Variants in BRI3BP observed in about 807,000 individuals in gnomAD.
BRI3BP encodes the protein BRI3 binding protein.
BRI3BP carries 7 observed loss-of-function variants against 15.8 expected under a neutral mutation model. That is an observed-to-expected ratio of 0.44 (90% CI 0.25 to 0.83). The LOEUF is 0.83. Ranked by LOEUF, BRI3BP falls within the 40% of genes least tolerant of loss-of-function variation. The probability of loss-of-function intolerance (pLI) is 0.20; values close to 1 mark genes in which losing one functional copy is unlikely to be tolerated. For synonymous variants in BRI3BP, 192 were observed against 163.5 expected (o/e 1.17, Z -1.33); for missense variants, 320 against 339.3 (o/e 0.94, Z 0.45).
rs1238834541 is a variant in BRI3BP, at chr12:124,993,945, CCTT to C, written c.158_160del (p.Phe53del). On this transcript the variant is annotated inframe_deletion, in exon 1 of 3. Coordinates refer to ENST00000341446, the MANE Select transcript of BRI3BP (RefSeq NM_080626.6). ...AACAGCTACCGCCGCACGGTCAACA[CCTT>C]CTCCCAGAGCGTCAGCAGCCTGTTC... is the stretch of plus-strand genomic sequence containing the variant. 7.3e-7 allele frequency: 1 copy of C among 1,370,098 alleles called. No individual in the cohort carries two copies. Among genetic ancestry groups the C allele is most frequent in the Non-Finnish European group, 9.5e-7 (1 of 1,048,610 alleles). 84.9% of individuals were successfully genotyped at this position (1,370,098 alleles called of 1,614,324 possible).
rs945071378 is a variant in BRI3BP, at chr12:125,028,629, C to G, written c.*3199C>G. Reference sequence around the variant, plus strand: ...TAGGTGTCACCTCAGGGTAGAAATTCTGATAGAAATTCTGATTATTTGAAA... The same window carrying G: ...TAGGTGTCACCTCAGGGTAGAAATTGTGATAGAAATTCTGATTATTTGAAA... On this transcript the variant is annotated 3_prime_UTR_variant, in exon 3 of 3. Coordinates refer to ENST00000341446, the MANE Select transcript of BRI3BP (RefSeq NM_080626.6). 1.3e-5 allele frequency: 2 copies of G among 152,016 alleles called. No homozygotes were observed. The highest frequency in any genetic ancestry group is 4.8e-5 in the African/African-American group (2 of 41,364). The allele number at this position is 152,016 out of a possible 1,614,324, so 9.4% of individuals were successfully genotyped here.
At chr12:125,050,939 A>C in the BRI3BP span, among the ~76,000 whole-genome samples, 1 of 152,218 alleles carries the variant, frequency 6.6e-6, no homozygotes, top group Non-Finnish European at 1.5e-5. Flanking sequence ...CAGCTAATAC[A>C]CTAGGGACTT....
At position 125,025,526 on chromosome 12, in the gene BRI3BP, A is replaced by C; in HGVS notation, c.*96A>C. On this transcript the variant is annotated 3_prime_UTR_variant, in exon 3 of 3. Coordinates refer to ENST00000341446, the MANE Select transcript of BRI3BP (RefSeq NM_080626.6). ...CCCCAAACCCCAAACAATCTTAATA[A>C]ACACGACTGAGCAAGAAAGTGGCGC... The C allele has an allele frequency of 2.4e-6, 3 of 1,248,792 alleles. No homozygotes were observed. Among genetic ancestry groups the C allele is most frequent in the Non-Finnish European group, 3.2e-6 (3 of 927,820 alleles). 77.4% of individuals were successfully genotyped at this position (1,248,792 alleles called of 1,614,324 possible).
the BRI3BP span, among the ~76,000 whole-genome samples, chr12:125,043,081 C>T: frequency 3.3e-5 from 5 of 149,564 alleles, no homozygotes; most frequent in African/African-American, 1.2e-4. Context: ...AAAAAAAAAA[C>T]ACTTCACTTG....
At chr12:125,014,290 C>T (rs993514996) in intron 2 of BRI3BP, among the ~76,000 whole-genome samples, 4 of 152,186 alleles carry the variant, frequency 2.6e-5, no homozygotes, top group African/African-American at 7.2e-5. Flanking sequence ...GCCCCACCGC[C>T]CTGGTCCCTG....
At chr12:125,009,377 C>T (rs1402851384) in intron 1 of BRI3BP, among the ~76,000 whole-genome samples, 4 of 147,056 alleles carry the variant, frequency 2.7e-5, no homozygotes, top group Admixed American at 2.1e-4. Flanking sequence ...GCAACCTCTG[C>T]CTCCCAGGTT....
intron 1 of BRI3BP, among the ~76,000 whole-genome samples, chr12:125,003,996 CACACACA>C (rs1955121002): frequency 6.3e-5 from 1 of 15,802 alleles, no homozygotes; most frequent in African/African-American, 6.0e-4. Context: ...CACACACACA[CACACACA>C]ACACACAATA....
At chr12:125,048,393 A>G in the BRI3BP span, among the ~76,000 whole-genome samples, 5 of 152,316 alleles carry the variant, frequency 3.3e-5, no homozygotes, top group Non-Finnish European at 7.3e-5. Flanking sequence ...GCCCTGCCCT[A>G]AAGAGGCAAG....
chr12:125,049,020 G>A, the BRI3BP span, among the ~76,000 whole-genome samples: 1 of 152,032 alleles, frequency 6.6e-6, no homozygotes, highest in South Asian at 2.1e-4. Context: ...GTGCAATGGC[G>A]CGATCTCGGC....
rs774101602 is a variant in BRI3BP at position 125,025,181 on chromosome 12, C to T, written c.507C>T (p.Ser169=). The change falls in exon 3 of 3, where the codon TCC becomes TCT. Residue 169 remains serine, a synonymous_variant. Coordinates refer to ENST00000341446, the MANE Select transcript of BRI3BP (RefSeq NM_080626.6). ...WIVRVVLFSM[S]CVYILHKYEG... is the part of the protein sequence containing the mutation. ...TGCGGGTCGTCCTGTTTTCCATGTC[C>T]TGCGTGTACATCCTGCACAAGTACG... is the stretch of plus-strand genomic sequence containing the variant. 2 of 1,614,162 alleles carry T rather than the reference C, an allele frequency of 1.2e-6. No homozygotes were observed. Among genetic ancestry groups the T allele is most frequent in the Admixed American group, 1.7e-5 (1 of 60,024 alleles).
At chr12:125,018,288 C>CCT (rs1247217269) in intron 2 of BRI3BP, among the ~76,000 whole-genome samples, 1 of 152,038 alleles carries the variant, frequency 6.6e-6, no homozygotes, top group Non-Finnish European at 1.5e-5. Flanking sequence ...ATTGTGTGTC[C>CCT]CCGTATTCAT....
In BRI3BP at chr12:125,025,230, C is replaced by G. The variant is rs369059333; in HGVS notation, c.556C>G (p.Leu186Val). 69 of 1,614,022 alleles carry G rather than the reference C, an allele frequency of 4.3e-5. No homozygotes were observed. The African/African-American group carries it at 8.3e-4, about 19-fold the overall frequency. Residue 186 changes from leucine to valine, a missense_variant, in exon 3 of 3, where the codon CTG becomes GTG. Transcript: ENST00000341446. ...KYEGEPENAV[L>V]PLCFVVAVYF... is the part of the protein sequence containing the mutation. ...CGAGGGCGAGCCGGAGAACGCGGTG[C>G]TGCCGCTGTGCTTCGTGGTGGCCGT... is the stretch of plus-strand genomic sequence containing the variant.
intron 2 of BRI3BP, among the ~76,000 whole-genome samples, chr12:125,020,534 C>T (rs776923904): frequency 3.3e-5 from 5 of 152,216 alleles, no homozygotes; most frequent in African/African-American, 4.8e-5. Flanking sequence ...ATACTCAAAG[C>T]CTAGCATCTG....
At chr12:125,045,401 G>A in the BRI3BP span, among the ~76,000 whole-genome samples, 4 of 152,062 alleles carry the variant, frequency 2.6e-5, no homozygotes, top group Non-Finnish European at 5.9e-5. Context: ...GCTGTAGCGC[G>A]ATCCCGGCTC....
the BRI3BP span, among the ~76,000 whole-genome samples, chr12:125,047,389 G>T: frequency 0.019 from 2,868 of 152,144 alleles, 82 homozygotes; most frequent in African/African-American, 0.064. Flanking sequence ...TAGCCAGGAT[G>T]GTCTCGATCT....
chr12:125,023,807 C>T (rs1235329139), intron 2 of BRI3BP, among the ~76,000 whole-genome samples: 1 of 152,220 alleles, frequency 6.6e-6, no homozygotes, highest in Non-Finnish European at 1.5e-5. Context: ...CGCAGTGGCT[C>T]ACACTTGTAA....
At position 125,009,621 on chromosome 12, in the gene BRI3BP, G is replaced by T. The variant is rs1292088041; in HGVS notation, c.214-2913G>T. On this transcript the variant is annotated intron_variant, in intron 1 of 2. Transcript: ENST00000341446. ...GTTTTCTTAAGGTAAATTAGAGATG[G>T]GGGGGGGGTCTCATTTTGTTGCCCA... Among the ~76,000 whole-genome samples the T allele has an allele frequency of 0.026, 3 of 114 alleles. No individual in the cohort carries two copies. In the East Asian group the frequency reaches 0.5, roughly 19 times the overall value. 0.1% of individuals were successfully genotyped at this position (114 alleles called of 152,430 possible). A position where few individuals can be genotyped will look rare whatever the true frequency, so the allele number is the denominator to read the frequency against.
chr12:125,018,754 A>G (rs1955268684), intron 2 of BRI3BP, among the ~76,000 whole-genome samples: 1 of 148,398 alleles, frequency 6.7e-6, no homozygotes, highest in South Asian at 2.1e-4. Context: ...ATCTCGGCTC[A>G]CTGCAGCCTC....
the BRI3BP span, among the ~76,000 whole-genome samples, chr12:125,037,473 G>A: frequency 1.3e-5 from 2 of 152,200 alleles, no homozygotes; most frequent in Non-Finnish European, 2.9e-5. Context: ...TAGTGCCCTG[G>A]AGGAAGTCCC....
Sources: allele counts gnomAD v4.1 joint callset (sites outside exome capture counted in the v4.1 genomes callset), GRCh38; gene constraint gnomAD v4.1.1; transcripts MANE v1.5; gene names NCBI Gene and HGNC (gene_info 2026-07-23, HGNC 2026-07-21).